SCN11A: variants seen among roughly 807,000 people sequenced by gnomAD.
SCN11A encodes the protein sodium voltage-gated channel alpha subunit 11, also known as sodium channel protein type 11 subunit alpha.
SCN11A carries 122 observed loss-of-function variants against 162.2 expected under a neutral mutation model. The ratio of observed to expected loss-of-function variants is 0.75; its 90% CI spans 0.65 to 0.87. The LOEUF is 0.87. SCN11A is among the 40% of genes least tolerant of loss of function. The pLI, the probability that SCN11A is intolerant of heterozygous loss-of-function variation, is 0.00. For missense variants in SCN11A, 2,015 were observed against 2,181.6 expected, an observed-to-expected ratio of 0.92 and a Z score of 1.52; for synonymous variants, 758 against 751.5, an observed-to-expected ratio of 1.01 and a Z score of -0.14.
intron 2 of SCN11A, among the ~76,000 whole-genome samples, chr3:38,962,546 A>G (rs918294328): frequency 1.3e-5 from 2 of 152,040 alleles, no homozygotes; most frequent in African/African-American, 4.8e-5. Flanking sequence ...ATTTCTTTCA[A>G]TTCCATCAAA....
In SCN11A at chr3:38,899,970, G is replaced by C; in HGVS notation, c.1946C>G (p.Ala649Gly). ...RGWNIFDSIVALLSFADVMNC... is the reference protein window; with the variant it reads ...RGWNIFDSIVGLLSFADVMNC... Reference sequence around the variant, plus strand: ...CATTACATCTGCAAAACTCAGAAGAGCAACAATGCTGTCAAAAATGTTCCA... The same window carrying C: ...CATTACATCTGCAAAACTCAGAAGACCAACAATGCTGTCAAAAATGTTCCA... The change falls in exon 17 of 30, where the codon GCT becomes GGT. Residue 649 changes from alanine to glycine, a missense_variant. Transcript: ENST00000302328. 1 of 1,614,072 alleles carries C rather than the reference G, an allele frequency of 6.2e-7. No individual in the cohort carries two copies. The highest frequency in any genetic ancestry group is 8.5e-7 in the Non-Finnish European group (1 of 1,179,958).
intron 2 of SCN11A, among the ~76,000 whole-genome samples, chr3:39,028,373 A>C (rs893170868): frequency 6.6e-6 from 1 of 152,220 alleles, no homozygotes; most frequent in Non-Finnish European, 1.5e-5. Flanking sequence ...TAATATCCTT[A>C]AACCTGCTAG....
intron 7 of SCN11A, among the ~76,000 whole-genome samples, chr3:38,940,057 C>CATAT (rs35355665): frequency 1.8e-4 from 26 of 146,540 alleles, no homozygotes; most frequent in Middle Eastern, 3.6e-3. Context: ...GATGTACATA[C>CATAT]ATATATATAT....
intron 28 of SCN11A, among the ~76,000 whole-genome samples, chr3:38,856,335 A>G (rs1050514356): frequency 6.6e-6 from 1 of 152,172 alleles, no homozygotes; most frequent in African/African-American, 2.4e-5. Context: ...CCAGAGAAGG[A>G]GCACACCCTA....
In SCN11A at chr3:38,960,275, G is replaced by A. The variant is rs2066728758; in HGVS notation, c.-139+8C>T. 6.6e-6 allele frequency among the ~76,000 whole-genome samples: 1 copy of A among 152,182 alleles called. No individual in the cohort carries two copies. The highest frequency in any genetic ancestry group is 2.4e-5 in the African/African-American group (1 of 41,442). On this transcript the variant is annotated splice_region_variant and intron_variant, in intron 3 of 29. Coordinates refer to ENST00000302328, the MANE Select transcript of SCN11A (RefSeq NM_001349253.2). ...AGAACAGGCCTGCACCCGGCCCAGA[G>A]GACTTACCTGACTTCTTGGTAAGGT...
At chr3:38,999,952 T>G (rs927596568) in intron 2 of SCN11A, among the ~76,000 whole-genome samples, 5 of 152,214 alleles carry the variant, frequency 3.3e-5, no homozygotes, top group African/African-American at 1.2e-4. Context: ...ATATAGCACC[T>G]GGAAAGGTGA....
chr3:38,894,723 G>A lies in SCN11A; in HGVS notation c.2645C>T (p.Pro882Leu). 3 of 1,614,134 alleles carry A rather than the reference G, an allele frequency of 1.9e-6. No homozygotes were observed. Among genetic ancestry groups the A allele is most frequent in the Non-Finnish European group, 2.5e-6 (3 of 1,180,014 alleles). The change falls in exon 19 of 30, where the codon CCC becomes CTC. Residue 882 changes from proline to leucine, a missense_variant. By Grantham distance (98) the Pro-to-Leu change is moderately conservative. Transcript: ENST00000302328. ...GCCCCTTTTCATCTCCATGACCAGG[G>A]GAATGATGTCTTTGCTTTGTGCAGC... ...GCAAQSKDII[P>L]LVMEMKRGSE...
chr3:38,894,848 G>A lies in SCN11A; in HGVS notation c.2520C>T (p.Arg840=). The change falls in exon 19 of 30, where the codon CGC becomes CGT. Residue 840 remains arginine, a synonymous_variant. Coordinates refer to ENST00000302328, the MANE Select transcript of SCN11A (RefSeq NM_001349253.2). ...TGTGTCTCACAAAACAAAAAGCCCG[G>A]CGGAATCGATCCAGTGCTAACTGGA... The part of the protein sequence containing the change: ...TKVQLALDRF[R]RAFCFVRHTL... 1.9e-6 allele frequency: 3 copies of A among 1,614,182 alleles called. No homozygotes were observed. The highest frequency in any genetic ancestry group is 2.5e-6 in the Non-Finnish European group (3 of 1,180,026).
chr3:38,914,420 C>G (rs112205827), intron 11 of SCN11A, among the ~76,000 whole-genome samples: 1 of 152,108 alleles, frequency 6.6e-6, no homozygotes, highest in African/African-American at 2.4e-5. Flanking sequence ...GATATAGATT[C>G]ATGTTATCTG....
intron 16 of SCN11A, among the ~76,000 whole-genome samples, chr3:38,902,924 C>G (rs2065727180): frequency 1.3e-5 from 2 of 151,476 alleles, no homozygotes; most frequent in Non-Finnish European, 2.9e-5. Flanking sequence ...AATAAAAATA[C>G]ATACACACAT....
At chr3:39,003,026 C>G (rs979556319) in intron 2 of SCN11A, among the ~76,000 whole-genome samples, 3 of 152,096 alleles carry the variant, frequency 2.0e-5, no homozygotes, top group African/African-American at 4.8e-5. Context: ...GAAAATACTT[C>G]TTTTTTAACT....
intron 16 of SCN11A, among the ~76,000 whole-genome samples, chr3:38,903,586 C>CA (rs1410654021): frequency 3.3e-5 from 5 of 152,284 alleles, no homozygotes; most frequent in African/African-American, 1.2e-4. Flanking sequence ...TTGATTATCT[C>CA]AGAGAGCTGA....
Position 38,871,522 on chromosome 3 carries a change from T to C in SCN11A, c.3682A>G (p.Ser1228Gly). ...TIITNKSQCE[S>G]GNFSWINQKV... ...TGGTTGATCCAAGAGAAATTGCCAC[T>C]TTCACATTGACTTTTATTTGTAATG... The change falls in exon 25 of 30, where the codon AGT becomes GGT. Residue 1228 changes from serine (S) to glycine (G), a missense_variant. Physicochemically the swap from Ser to Gly is moderately conservative, Grantham distance 56. Transcript: ENST00000302328. 6.2e-7 allele frequency: 1 copy of C among 1,612,942 alleles called. No homozygotes were observed. The highest frequency in any genetic ancestry group is 8.5e-7 in the Non-Finnish European group (1 of 1,179,346).
At chr3:38,960,928 T>C (rs2066735037) in intron 2 of SCN11A, among the ~76,000 whole-genome samples, 1 of 152,212 alleles carries the variant, frequency 6.6e-6, no homozygotes, top group African/African-American at 2.4e-5. Context: ...CAGACAACTC[T>C]GCAGCAGACT....
At chr3:39,006,226 C>G (rs1171970460) in intron 2 of SCN11A, among the ~76,000 whole-genome samples, 1 of 152,166 alleles carries the variant, frequency 6.6e-6, no homozygotes, top group African/African-American at 2.4e-5. Context: ...CACACATGGC[C>G]TTTGCTTAGT....
intron 2 of SCN11A, among the ~76,000 whole-genome samples, chr3:39,027,027 G>A (rs1041781483): frequency 2.6e-5 from 4 of 151,984 alleles, no homozygotes; most frequent in African/African-American, 9.7e-5. Context: ...GACAACTTCT[G>A]AAAACAGCTG....
intron 2 of SCN11A, among the ~76,000 whole-genome samples, chr3:38,983,646 A>C (rs2030136019): frequency 6.6e-6 from 1 of 152,192 alleles, no homozygotes; most frequent in South Asian, 2.1e-4. Context: ...TCTACCCCAT[A>C]AGGGAGCTTG....
rs1379698323 is a variant in SCN11A at position 38,891,432 on chromosome 3, A to G, written c.2835+3101T>C. Among the ~76,000 whole-genome samples the G allele has an allele frequency of 3.3e-5, 5 of 152,322 alleles. No individual in the cohort carries two copies. In the East Asian group the frequency reaches 9.6e-4, roughly 29 times the overall value. ...TGGTGCACCATTAAGCACACCAACC[A>G]GAAAGGAAAGAGAGAAAGGAACAGA... is the stretch of plus-strand genomic sequence containing the variant. On this transcript the variant is annotated intron_variant, in intron 19 of 29. Coordinates refer to ENST00000302328, the MANE Select transcript of SCN11A (RefSeq NM_001349253.2).
intron 6 of SCN11A, among the ~76,000 whole-genome samples, 167 bp downstream of exon 6, chr3:38,946,622 C>G (rs73828725): frequency 6.6e-6 from 1 of 152,184 alleles, no homozygotes; most frequent in African/African-American, 2.4e-5. Flanking sequence ...GAGAAGGAGA[C>G]GACATCTTGC....
Sources: gnomAD v4.1 joint callset for allele counts (sites outside exome capture counted in the v4.1 genomes callset) on GRCh38, gnomAD v4.1.1 for gene constraint, MANE v1.5 for transcripts, NCBI Gene and HGNC (gene_info 2026-07-23, HGNC 2026-07-21) for gene names.